GALNT13: variants seen among roughly 807,000 people sequenced by gnomAD.
GALNT13 encodes UDP-GalNAc:polypeptide N-acetylgalactosaminyltransferase 13.
In GALNT13, 28 loss-of-function variants were observed where a neutral mutation model predicts 64.2. The observed-to-expected ratio is 0.44, with a 90% CI of 0.32 to 0.60. GALNT13 has a LOEUF of 0.60. Ranked by LOEUF, GALNT13 falls within the 20% of genes least tolerant of loss-of-function variation. The probability of loss-of-function intolerance (pLI) is 0.05; values close to 1 mark genes in which losing one functional copy is unlikely to be tolerated. For missense variants in GALNT13, 577 were observed against 669.8 expected, an observed-to-expected ratio of 0.86 and a Z score of 1.53; for synonymous variants, 214 against 224.6, an observed-to-expected ratio of 0.95 and a Z score of 0.42.
chr2:153,949,214 A>G (rs1434017022), intron 3 of GALNT13, among the ~76,000 whole-genome samples: 2 of 152,164 alleles, frequency 1.3e-5, no homozygotes, highest in Non-Finnish European at 2.9e-5. Flanking sequence ...ATGTTTGCAC[A>G]ATGATGACAT....
At chr2:153,590,834 A>G in the GALNT13 span, among the ~76,000 whole-genome samples, 1 of 152,160 alleles carries the variant, frequency 6.6e-6, no homozygotes, top group Non-Finnish European at 1.5e-5. Context: ...AATAATTGCC[A>G]TATATGACAA....
At chr2:153,132,656 G>A in the GALNT13 span, among the ~76,000 whole-genome samples, 1 of 152,142 alleles carries the variant, frequency 6.6e-6, no homozygotes, top group Admixed American at 6.6e-5. Flanking sequence ...AGCAAGCCAA[G>A]CACATTTTTA....
chr2:153,737,756 G>A, the GALNT13 span, among the ~76,000 whole-genome samples: 1 of 151,954 alleles, frequency 6.6e-6, no homozygotes, highest in Non-Finnish European at 1.5e-5. Context: ...CTTACCTATT[G>A]TGTTACTTAA....
At chr2:153,503,689 C>T in the GALNT13 span, among the ~76,000 whole-genome samples, 514 of 152,286 alleles carry the variant, frequency 3.4e-3, 4 homozygotes, top group South Asian at 0.018. Flanking sequence ...GATCCACCCA[C>T]CTCGGCCTCC....
rs542504025 is a variant in GALNT13 at position 154,181,002 on chromosome 2, C to G, written c.311+40497C>G. Among the ~76,000 whole-genome samples the G allele has an allele frequency of 7.2e-5, 11 of 152,250 alleles. No individual in the cohort carries two copies. In the South Asian group the frequency reaches 2.1e-3, roughly 29 times the overall value. On this transcript the variant is annotated intron_variant, in intron 4 of 12. Coordinates refer to ENST00000392825, the MANE Select transcript of GALNT13 (RefSeq NM_052917.4). ...CACAGCCACCGGTGAGTGGTATTGTCAGGATGCAAAACCTGCCATAGGAAA... is the reference window on the plus strand; with the variant it reads ...CACAGCCACCGGTGAGTGGTATTGTGAGGATGCAAAACCTGCCATAGGAAA...
intron 9 of GALNT13, among the ~76,000 whole-genome samples, chr2:154,331,803 T>C (rs1474138508): frequency 2.0e-5 from 3 of 152,108 alleles, no homozygotes; most frequent in Non-Finnish European, 4.4e-5. Flanking sequence ...TTTTTTTTCT[T>C]CACAACCCCA....
the GALNT13 span, among the ~76,000 whole-genome samples, chr2:153,370,291 A>G: frequency 6.6e-6 from 1 of 152,230 alleles, no homozygotes; most frequent in Admixed American, 6.5e-5. Flanking sequence ...TAAGAAATAA[A>G]GAGGAAAGAA....
At chr2:153,507,615 C>A in the GALNT13 span, among the ~76,000 whole-genome samples, 1 of 152,162 alleles carries the variant, frequency 6.6e-6, no homozygotes, top group Non-Finnish European at 1.5e-5. Flanking sequence ...GTTCACTTTT[C>A]TCTGGTGCCT....
chr2:153,250,984 G>T, the GALNT13 span, among the ~76,000 whole-genome samples: 2 of 152,092 alleles, frequency 1.3e-5, no homozygotes, highest in African/African-American at 2.4e-5. Flanking sequence ...CATGGCATAT[G>T]TATACCTCTG....
In GALNT13 at chr2:154,297,113, C is replaced by T. The variant is rs530495788; in HGVS notation, c.976-4296C>T. ...GGAGAATAAGGTATGGTCTTAGAGG[C>T]CCTGCTAAAGGATTTTGTTTATATT... On this transcript the variant is annotated intron_variant, in intron 8 of 12. Transcript: ENST00000392825. Among the ~76,000 whole-genome samples the T allele has an allele frequency of 5.3e-5, 8 of 152,254 alleles. No individual in the cohort carries two copies. The East Asian group carries it at 9.6e-4, about 18-fold the overall frequency.
At chr2:154,151,245 T>G (rs1444278220) in intron 4 of GALNT13, among the ~76,000 whole-genome samples, 2 of 152,160 alleles carry the variant, frequency 1.3e-5, no homozygotes, top group Non-Finnish European at 2.9e-5. Context: ...CAGTTTTGAG[T>G]GCGTTTTTTA....
chr2:153,354,047 G>A, the GALNT13 span, among the ~76,000 whole-genome samples: 1 of 152,096 alleles, frequency 6.6e-6, no homozygotes, highest in Non-Finnish European at 1.5e-5. Context: ...TGTTTTGGAA[G>A]GCTATTAGTG....
At chr2:153,594,535 T>A in the GALNT13 span, among the ~76,000 whole-genome samples, 1 of 152,092 alleles carries the variant, frequency 6.6e-6, no homozygotes, top group Non-Finnish European at 1.5e-5. Context: ...TCATTTTTTT[T>A]GTAATCTTAT....
chr2:153,473,572 C>T, the GALNT13 span, among the ~76,000 whole-genome samples: 1 of 152,140 alleles, frequency 6.6e-6, no homozygotes, highest in Non-Finnish European at 1.5e-5. Context: ...GTGCATAGGT[C>T]TACATGGGAT....
chr2:153,470,773 T>G, the GALNT13 span, among the ~76,000 whole-genome samples: 2 of 152,208 alleles, frequency 1.3e-5, no homozygotes, highest in African/African-American at 4.8e-5. Flanking sequence ...TAGGAGACAT[T>G]AATGTTACTT....
chr2:154,359,002 C>T (rs546851426), intron 9 of GALNT13, among the ~76,000 whole-genome samples: 2 of 152,210 alleles, frequency 1.3e-5, no homozygotes, highest in East Asian at 1.9e-4. Flanking sequence ...CCCATCTGTT[C>T]GGTTATGCTG....
chr2:154,388,763 G>A (rs989403137), intron 9 of GALNT13, among the ~76,000 whole-genome samples: 5 of 152,036 alleles, frequency 3.3e-5, no homozygotes, highest in Admixed American at 6.6e-5. Context: ...TACAATTACT[G>A]AGAGTAAATA....
the GALNT13 span, among the ~76,000 whole-genome samples, chr2:153,231,955 A>G: frequency 6.6e-6 from 1 of 152,120 alleles, no homozygotes; most frequent in Admixed American, 6.6e-5. Flanking sequence ...CCGATTGCAT[A>G]TGCCTTCTTA....
chr2:153,290,512 T>C, the GALNT13 span, among the ~76,000 whole-genome samples: 1 of 152,350 alleles, frequency 6.6e-6, no homozygotes, highest in African/African-American at 2.4e-5. Context: ...CACTTCATTA[T>C]AGATCATCAC....
Sources: allele counts gnomAD v4.1 joint callset (sites outside exome capture counted in the v4.1 genomes callset), GRCh38; gene constraint gnomAD v4.1.1; transcripts MANE v1.5; gene names NCBI Gene and HGNC (gene_info 2026-07-23, HGNC 2026-07-21).